ANKFN1: variants seen among roughly 807,000 people sequenced by gnomAD.
ANKFN1 encodes the protein ankyrin repeat and fibronectin type III domain containing 1.
ANKFN1 carries 74 observed loss-of-function variants against 108.7 expected under a neutral mutation model. That is an observed-to-expected ratio of 0.68 (90% CI 0.56 to 0.83). The LOEUF is 0.83. Ranked by LOEUF, ANKFN1 falls within the 40% of genes least tolerant of loss-of-function variation. The pLI is 0.00. For missense variants in ANKFN1, 1,505 were observed against 1,382.3 expected, an observed-to-expected ratio of 1.09 and a Z score of -1.41; for synonymous variants, 547 against 516.2, an observed-to-expected ratio of 1.06 and a Z score of -0.81.
chr17:56,049,302 A>T (rs1275847932), intron 4 of ANKFN1, among the ~76,000 whole-genome samples: 3 of 152,218 alleles, frequency 2.0e-5, no homozygotes, highest in Non-Finnish European at 4.4e-5. Context: ...GCAGCTCAGC[A>T]TGCATTTGCC....
Position 56,446,742 on chromosome 17 carries a change from A to G in ANKFN1, c.1100-2337A>G, listed in dbSNP as rs527770338. On this transcript the variant is annotated intron_variant, in intron 10 of 20. Coordinates refer to ENST00000682825, the MANE Select transcript of ANKFN1 (RefSeq NM_001370326.1). ...AACATGGTGAAACCCTGTCTCTACT[A>G]AAAATACAAAAATTAGCCAGGTGTG... is the stretch of plus-strand genomic sequence containing the variant. Among the ~76,000 whole-genome samples, 8 of 149,096 alleles carry G rather than the reference A, an allele frequency of 5.4e-5. No individual in the cohort carries two copies. The East Asian group carries it at 1.6e-3, about 30-fold the overall frequency.
intron 8 of ANKFN1, among the ~76,000 whole-genome samples, chr17:56,380,601 C>T (rs188657317): frequency 0.023 from 3,434 of 152,272 alleles, 45 homozygotes; most frequent in Non-Finnish European, 0.029. Flanking sequence ...GCTTTTCCGA[C>T]AGGCTTAAAA....
At chr17:56,413,375 A>T (rs192906563) in intron 8 of ANKFN1, among the ~76,000 whole-genome samples, 129 of 152,246 alleles carry the variant, frequency 8.5e-4, no homozygotes, top group Non-Finnish European at 1.8e-3. Flanking sequence ...GCAAAAAGGG[A>T]CAGTTTGACT....
chr17:56,499,433 C>T (rs1340813735), intron 20 of ANKFN1, among the ~76,000 whole-genome samples: 1 of 152,004 alleles, frequency 6.6e-6, no homozygotes, highest in Non-Finnish European at 1.5e-5. Flanking sequence ...GCCACAAAAG[C>T]CAAGGGAATC....
intron 4 of ANKFN1, among the ~76,000 whole-genome samples, chr17:56,142,357 C>T (rs746359493): frequency 2.0e-5 from 3 of 152,172 alleles, no homozygotes; most frequent in Non-Finnish European, 4.4e-5. Context: ...TGTTTTGTCC[C>T]TCCACACTTA....
At chr17:56,145,132 C>G (rs1908181156) in intron 4 of ANKFN1, among the ~76,000 whole-genome samples, 1 of 152,128 alleles carries the variant, frequency 6.6e-6, no homozygotes, top group Non-Finnish European at 1.5e-5. Flanking sequence ...TTATCTTGTT[C>G]TATAAGGCAG....
Position 56,374,772 on chromosome 17 carries a change from A to T in ANKFN1, c.910+58A>T, listed in dbSNP as rs2046902054. The stretch of plus-strand genomic sequence containing the variant: ...TTCTTAAAAAAGCATCTGCTGTTTG[A>T]GAATCAATAGTGCATTTTGTGTGTT... On this transcript the variant is annotated intron_variant, in intron 8 of 20. Transcript: ENST00000682825. 19 of 1,325,316 alleles carry T rather than the reference A, an allele frequency of 1.4e-5. 1 individual carries two copies. In the South Asian group the frequency reaches 2.3e-4, roughly 16 times the overall value. The allele number at this position is 1,325,316 out of a possible 1,614,324, so 82.1% of individuals were successfully genotyped here.
intron 8 of ANKFN1, among the ~76,000 whole-genome samples, chr17:56,395,804 G>A (rs1395059938): frequency 6.6e-6 from 1 of 151,978 alleles, no homozygotes; most frequent in African/African-American, 2.4e-5. Flanking sequence ...AGCTAAGATC[G>A]CTCCACTGCA....
intron 1 of ANKFN1, among the ~76,000 whole-genome samples, chr17:56,169,095 A>T (rs1342520916): frequency 6.6e-6 from 1 of 152,130 alleles, no homozygotes; most frequent in Non-Finnish European, 1.5e-5. Flanking sequence ...GAGAGCATCA[A>T]AGAGGCATAT....
chr17:56,179,429 G>A (rs1008385565), intron 1 of ANKFN1, among the ~76,000 whole-genome samples: 8 of 152,178 alleles, frequency 5.3e-5, no homozygotes, highest in African/African-American at 1.4e-4. Context: ...TGTTTGAAAT[G>A]CAGTACTCCT....
chr17:56,259,921 C>CACAG (rs1415706766), intron 3 of ANKFN1, among the ~76,000 whole-genome samples: 1 of 151,426 alleles, frequency 6.6e-6, no homozygotes, highest in East Asian at 1.9e-4. Flanking sequence ...CACACACACA[C>CACAG]ACACACACAC....
intron 8 of ANKFN1, among the ~76,000 whole-genome samples, chr17:56,417,178 TTAA>T (rs1247249889): frequency 6.6e-6 from 1 of 152,160 alleles, no homozygotes; most frequent in Non-Finnish European, 1.5e-5. Context: ...ATTATAGTCA[TTAA>T]TAATTTAATT....
chr17:56,271,383 C>T (rs1161165880), intron 3 of ANKFN1, among the ~76,000 whole-genome samples: 1 of 152,192 alleles, frequency 6.6e-6, no homozygotes, highest in Non-Finnish European at 1.5e-5. Flanking sequence ...ACCACTGAAT[C>T]TTCAGTGTCT....
chr17:56,274,594 T>C (rs2043875083), intron 3 of ANKFN1, among the ~76,000 whole-genome samples: 1 of 152,174 alleles, frequency 6.6e-6, no homozygotes, highest in African/African-American at 2.4e-5. Context: ...AGCTAGTAAG[T>C]AGCAGAGAGC....
chr17:56,152,262 A>G (rs3966015), upstream of ANKFN1, among the ~76,000 whole-genome samples: 34,837 of 76,356 alleles, frequency 0.46, 6,042 homozygotes, highest in African/African-American at 0.58. Flanking sequence ...ATATATATAT[A>G]TGTGTGTGTG....
intron 1 of ANKFN1, 21 bp downstream of exon 1, chr17:56,153,551 A>G: frequency 6.2e-7 from 1 of 1,613,554 alleles, no homozygotes; most frequent in Non-Finnish European, 8.5e-7. Context: ...AATAGTTCTA[A>G]ATATCGGTAA....
At chr17:56,112,201 A>G (rs1255917709) in intron 4 of ANKFN1, among the ~76,000 whole-genome samples, 1 of 152,186 alleles carries the variant, frequency 6.6e-6, no homozygotes, top group Non-Finnish European at 1.5e-5. Flanking sequence ...TATGCATTGT[A>G]TAATTCCAGA....
At chr17:56,428,868 T>C (rs962734205) in intron 8 of ANKFN1, among the ~76,000 whole-genome samples, 2 of 151,742 alleles carry the variant, frequency 1.3e-5, no homozygotes, top group African/African-American at 4.8e-5. Context: ...AAAAGTGCTT[T>C]TTTTTTTTTT....
Position 56,350,895 on chromosome 17 carries a change from G to A in ANKFN1, c.318G>A (p.Gly106=). ...GGAACCTCTCTGAGAAACTGAAAGG[G>A]AGCCACTCTTCCTTCGATGAGGCCT... ...LYRNLSEKLK[G]SHSSFDEAYF... The change falls in exon 5 of 21, where the codon GGG becomes GGA. Residue 106 remains glycine (G), a synonymous_variant. Coordinates refer to ENST00000682825, the MANE Select transcript of ANKFN1 (RefSeq NM_001370326.1). 1.9e-6 allele frequency: 3 copies of A among 1,613,786 alleles called. No individual in the cohort carries two copies. Among genetic ancestry groups the A allele is most frequent in the East Asian group, 2.2e-5 (1 of 44,830 alleles).
Sources: gnomAD v4.1 joint callset for allele counts (sites outside exome capture counted in the v4.1 genomes callset) on GRCh38, gnomAD v4.1.1 for gene constraint, MANE v1.5 for transcripts, NCBI Gene and HGNC (gene_info 2026-07-23, HGNC 2026-07-21) for gene names.